Variants in PRKX observed in about 807,000 individuals in gnomAD.
PRKX encodes cAMP-dependent protein kinase catalytic subunit PRKX.
Under a neutral mutation model 22.0 loss-of-function variants are expected in PRKX, and 12 were observed. The observed-to-expected ratio is 0.54, with a 90% CI of 0.35 to 0.88. The LOEUF (loss-of-function observed/expected upper bound fraction) is 0.88. PRKX is among the 40% of genes least tolerant of loss of function. PRKX has a pLI of 0.01. For missense variants in PRKX, 217 were observed against 308.0 expected (o/e 0.70, Z 2.21); for synonymous variants, 134 against 137.7 (o/e 0.97, Z 0.19).
At chrX:3,687,142 C>G (rs755023374) in intron 1 of PRKX, among the ~76,000 whole-genome samples, 1 of 111,419 alleles carries the variant, frequency 9.0e-6, no homozygotes, top group South Asian at 3.7e-4. Flanking sequence ...ACCTCAGCCT[C>G]CCAAGTAGCT....
At chrX:3,648,745 G>A (rs12388428) in intron 3 of PRKX, among the ~76,000 whole-genome samples, 31 of 107,750 alleles carry the variant, frequency 2.9e-4, no homozygotes, top group African/African-American at 1.1e-3. Context: ...AGTAATCAAT[G>A]TAACATCTGG....
chrX:3,616,632 T>A (rs1199386161), intron 6 of PRKX, among the ~76,000 whole-genome samples: 1 of 112,297 alleles, frequency 8.9e-6, no homozygotes, highest in Non-Finnish European at 1.9e-5. Context: ...ATTTAACGCG[T>A]CTATCAGTTA....
At chrX:3,659,694 T>C (rs769577696) in intron 2 of PRKX, among the ~76,000 whole-genome samples, 1 of 105,038 alleles carries the variant, frequency 9.5e-6, no homozygotes, top group African/African-American at 3.5e-5. Context: ...GGAGAAGTAT[T>C]TTGTTGGAGT....
chrX:3,687,582 C>G (rs1928202949), intron 1 of PRKX, among the ~76,000 whole-genome samples: 1 of 111,227 alleles, frequency 9.0e-6, no homozygotes, highest in Non-Finnish European at 1.9e-5. Context: ...CATGCATTGT[C>G]CATCACCACC....
chrX:3,605,631 A>G lies in PRKX; in HGVS notation c.*3338T>C, dbSNP rs188149880. On this transcript the variant is annotated 3_prime_UTR_variant, in exon 9 of 9. Transcript: ENST00000262848. Reference sequence around the variant, plus strand: ...TTTTTTTAATGGACAGTGATTTCAAATGATTTGGTGTTTTTGTTCTTGTTT... The same window carrying G: ...TTTTTTTAATGGACAGTGATTTCAAGTGATTTGGTGTTTTTGTTCTTGTTT... 2.5e-4 allele frequency: 28 copies of G among 112,134 alleles called. No homozygotes were observed. Among genetic ancestry groups the G allele is most frequent in the African/African-American group, 8.7e-4 (27 of 30,905 alleles). 9.2% of individuals were successfully genotyped at this position (112,134 alleles called of 1,213,427 possible). A position where few individuals can be genotyped will look rare whatever the true frequency, so the allele number is the denominator to read the frequency against.
intron 6 of PRKX, among the ~76,000 whole-genome samples, chrX:3,616,506 C>T (rs1219324142): frequency 2.7e-5 from 3 of 111,628 alleles, no homozygotes; most frequent in African/African-American, 6.5e-5. Flanking sequence ...AGTGCTCATC[C>T]GTAAACCTCA....
intron 2 of PRKX, among the ~76,000 whole-genome samples, chrX:3,657,812 G>T (rs1026844423): frequency 1.8e-5 from 2 of 111,965 alleles, no homozygotes; most frequent in Non-Finnish European, 1.9e-5. Context: ...GATTGAGGAA[G>T]GTGGGGGTAG....
chrX:3,713,113 C>T lies in PRKX; in HGVS notation c.141G>A (p.Gln47=). ...CCACGGTGGCCAGCGTGTCAAAGTC[C>T]TGCAGGCTGTACACAGGCGGCTCCG... is the stretch of plus-strand genomic sequence containing the variant. The part of the protein sequence containing the change: ...LSPEPPVYSL[Q]DFDTLATVGT... The change falls in exon 1 of 9, where the codon CAG becomes CAA. Residue 47 remains glutamine (Q), a synonymous_variant. Coordinates refer to ENST00000262848, the MANE Select transcript of PRKX (RefSeq NM_005044.5). 3 of 1,167,661 alleles carry T rather than the reference C, an allele frequency of 2.6e-6. No individual in the cohort carries two copies. The highest frequency in any genetic ancestry group is 2.4e-4 in the Middle Eastern group (1 of 4,199).
At chrX:3,682,081 A>G (rs1174797360) in intron 1 of PRKX, among the ~76,000 whole-genome samples, 5 of 111,502 alleles carry the variant, frequency 4.5e-5, no homozygotes, top group African/African-American at 1.6e-4. Flanking sequence ...AAAAGAAACC[A>G]ACCAACCCTG....
chrX:3,685,170 C>T (rs1176090672), intron 1 of PRKX, among the ~76,000 whole-genome samples: 1 of 106,879 alleles, frequency 9.4e-6, no homozygotes, highest in South Asian at 3.9e-4. Context: ...TGAGGATAAA[C>T]CCACCTGAAC....
intron 1 of PRKX, 105 bp from the exon 2 acceptor site, chrX:3,674,871 G>A (rs1927919056): frequency 1.1e-6 from 1 of 924,138 alleles, no homozygotes; most frequent in Non-Finnish European, 1.5e-6. Flanking sequence ...GGCAAACACA[G>A]ACCCCAAGTG....
chrX:3,671,914 A>G (rs1399185201), intron 2 of PRKX, among the ~76,000 whole-genome samples: 3 of 111,941 alleles, frequency 2.7e-5, no homozygotes, highest in Non-Finnish European at 5.6e-5. Context: ...CTTGCAGCCT[A>G]AAGTTCAAGA....
chrX:3,626,640 C>T (rs1335893980), intron 4 of PRKX, 126 bp from the exon 5 acceptor site: 1 of 553,781 alleles, frequency 1.8e-6, no homozygotes, highest in Admixed American at 3.0e-5. Context: ...CTCTTCCCCG[C>T]ACACTGAAGT....
chrX:3,654,160 T>C (rs1023735328), intron 3 of PRKX, among the ~76,000 whole-genome samples: 43 of 91,288 alleles, frequency 4.7e-4, no homozygotes, highest in African/African-American at 1.7e-3. Context: ...TAGTATGATA[T>C]AGGTATGCTA....
intron 2 of PRKX, among the ~76,000 whole-genome samples, chrX:3,664,070 A>G (rs1185728172): frequency 1.8e-5 from 2 of 111,472 alleles, no homozygotes; most frequent in Non-Finnish European, 3.8e-5. Context: ...CTAGGGTCAC[A>G]TGCACCCTCC....
intron 2 of PRKX, among the ~76,000 whole-genome samples, chrX:3,666,911 TAAAAAAAAAAAA>T (rs35951668): frequency 3.0e-4 from 20 of 65,792 alleles, no homozygotes; most frequent in Non-Finnish European, 4.1e-4. Context: ...TCATTTCTTT[TAAAAAAAAAAAA>T]AAAAAAAAAG....
intron 3 of PRKX, among the ~76,000 whole-genome samples, chrX:3,650,323 C>T (rs1474111087): frequency 9.8e-6 from 1 of 101,862 alleles, no homozygotes; most frequent in Non-Finnish European, 2.0e-5. Flanking sequence ...AGATCGAGAC[C>T]ATCCTGGCTA....
At chrX:3,631,313 G>C (rs775218906) in intron 4 of PRKX, among the ~76,000 whole-genome samples, 8 of 112,558 alleles carry the variant, frequency 7.1e-5, no homozygotes, top group African/African-American at 2.6e-4. Context: ...GATCATCCTG[G>C]AACAGGGTAG....
At chrX:3,669,544 AC>A (rs1209522743) in intron 2 of PRKX, among the ~76,000 whole-genome samples, 1 of 111,152 alleles carries the variant, frequency 9.0e-6, no homozygotes, top group African/African-American at 3.3e-5. Flanking sequence ...AGGATGCCCC[AC>A]CACAGAGTCC....
Sources: allele counts gnomAD v4.1 joint callset (sites outside exome capture counted in the v4.1 genomes callset), GRCh38; gene constraint gnomAD v4.1.1; transcripts MANE v1.5; gene names NCBI Gene and HGNC (gene_info 2026-07-23, HGNC 2026-07-21).